The following RIC1 variants were observed in gnomAD, a reference collection of about 807,000 sequenced individuals.
RIC1 encodes RIC1 partner of RAB6A GEF complex.
In RIC1, 88 loss-of-function variants were observed where a neutral mutation model predicts 169.0. The observed-to-expected ratio is 0.52, with a 90% CI of 0.44 to 0.62. RIC1 has a LOEUF of 0.62. RIC1 is among the 20% of genes least tolerant of loss of function. The probability of loss-of-function intolerance (pLI) is 0.00; values close to 1 mark genes in which losing one functional copy is unlikely to be tolerated. For synonymous variants in RIC1, 790 were observed against 601.5 expected (o/e 1.31, Z -4.59); for missense variants, 1,877 against 1,725.5 (o/e 1.09, Z -1.56).
At chr9:5,717,841 T>TA (rs71326184) in intron 4 of RIC1, among the ~76,000 whole-genome samples, 3,419 of 118,472 alleles carry the variant, frequency 0.029, 42 homozygotes, top group Middle Eastern at 0.037. Flanking sequence ...TGTTTAAAAA[T>TA]AAAAAAAAAA....
In RIC1 at chr9:5,773,021, G is replaced by T; in HGVS notation, c.3924G>T (p.Glu1308Asp). 1 of 1,613,700 alleles carries T rather than the reference G, an allele frequency of 6.2e-7. No individual in the cohort carries two copies. The highest frequency in any genetic ancestry group is 8.5e-7 in the Non-Finnish European group (1 of 1,179,784). Residue 1308 changes from glutamate to aspartate, a missense_variant, in exon 25 of 26, where the codon GAG becomes GAT. Transcript: ENST00000414202. ...VITQSSEVDG[E>D]MLQNIKTGLH... Reference sequence around the variant, plus strand: ...CACAGTCTTCAGAGGTAGATGGAGAGATGTTACAGAACATAAAGACAGGGC... The same window carrying T: ...CACAGTCTTCAGAGGTAGATGGAGATATGTTACAGAACATAAAGACAGGGC...
At chr9:5,704,110 T>C (rs891211540) in intron 3 of RIC1, among the ~76,000 whole-genome samples, 4 of 152,150 alleles carry the variant, frequency 2.6e-5, no homozygotes, top group African/African-American at 9.7e-5. Flanking sequence ...GGTTTTGATG[T>C]GTATTTCCCT....
At position 5,646,234 on chromosome 9, in the gene RIC1, G is replaced by A. The variant is rs146112773; in HGVS notation, c.145-10349G>A. Among the ~76,000 whole-genome samples the A allele has an allele frequency of 1.1e-4, 16 of 152,168 alleles. No individual in the cohort carries two copies. The South Asian group carries it at 1.2e-3, about 12-fold the overall frequency. ...GTGTATGCCTTCTTTGAAAGTGTCCGTTGAAGTTCTTTGCCCATTGTTTTT... is the reference window on the plus strand; with the variant it reads ...GTGTATGCCTTCTTTGAAAGTGTCCATTGAAGTTCTTTGCCCATTGTTTTT... On this transcript the variant is annotated intron_variant, in intron 1 of 25. Coordinates refer to ENST00000414202, the MANE Select transcript of RIC1 (RefSeq NM_020829.4).
intron 6 of RIC1, among the ~76,000 whole-genome samples, chr9:5,727,861 A>G (rs1224770831): frequency 6.6e-6 from 1 of 152,162 alleles, no homozygotes; most frequent in African/African-American, 2.4e-5. Flanking sequence ...AACAGCACAT[A>G]TTGCAGAACG....
intron 3 of RIC1, among the ~76,000 whole-genome samples, chr9:5,695,113 G>A (rs934132288): frequency 6.6e-6 from 1 of 152,178 alleles, no homozygotes; most frequent in Non-Finnish European, 1.5e-5. Flanking sequence ...TAAAATAGTG[G>A]TCAGTGTCTT....
chr9:5,637,375 T>A (rs1321821656), intron 1 of RIC1, among the ~76,000 whole-genome samples: 1 of 152,206 alleles, frequency 6.6e-6, no homozygotes, highest in Admixed American at 6.5e-5. Context: ...AGCCATGAGA[T>A]ATTTTGATAC....
chr9:5,721,705 G>A (rs1338014861), intron 6 of RIC1, among the ~76,000 whole-genome samples: 1 of 152,114 alleles, frequency 6.6e-6, no homozygotes, highest in African/African-American at 2.4e-5. Context: ...GTCTCTGTCA[G>A]TATAATTATT....
At chr9:5,771,989 T>C (rs766592125) in intron 23 of RIC1, among the ~76,000 whole-genome samples, 11 of 152,192 alleles carry the variant, frequency 7.2e-5, no homozygotes, top group Non-Finnish European at 1.5e-4. Context: ...CCTATAAAAA[T>C]TTGATAATTC....
chr9:5,728,845 T>A (rs1824175544), intron 6 of RIC1, among the ~76,000 whole-genome samples: 1 of 152,236 alleles, frequency 6.6e-6, no homozygotes, highest in Non-Finnish European at 1.5e-5. Flanking sequence ...AATAGCTAAT[T>A]AATATATGGA....
chr9:5,673,983 T>A (rs1237821146), intron 2 of RIC1, among the ~76,000 whole-genome samples: 1 of 152,152 alleles, frequency 6.6e-6, no homozygotes, highest in East Asian at 1.9e-4. Flanking sequence ...ACCCTCTACT[T>A]AAGAAACTAA....
chr9:5,680,084 A>C (rs988551977), intron 2 of RIC1, among the ~76,000 whole-genome samples: 10 of 152,216 alleles, frequency 6.6e-5, no homozygotes, highest in Admixed American at 5.2e-4. Flanking sequence ...CCTTTTCTGC[A>C]TCTATTGAGA....
At chr9:5,647,170 A>G (rs1421256943) in intron 1 of RIC1, among the ~76,000 whole-genome samples, 1 of 152,162 alleles carries the variant, frequency 6.6e-6, no homozygotes. Flanking sequence ...CTGTTGGTCT[A>G]TATGTGTATC....
At chr9:5,646,323 A>G (rs1012038430) in intron 1 of RIC1, among the ~76,000 whole-genome samples, 5 of 152,070 alleles carry the variant, frequency 3.3e-5, no homozygotes, top group African/African-American at 1.2e-4. Flanking sequence ...TTTATCAGAT[A>G]TGTGGTTTCT....
chr9:5,673,342 C>A (rs66660209), intron 2 of RIC1, among the ~76,000 whole-genome samples: 45,184 of 151,080 alleles, frequency 0.3, 7,828 homozygotes, highest in East Asian at 0.59. Flanking sequence ...AAAATAAGAC[C>A]ATTTTTCACC....
intron 3 of RIC1, among the ~76,000 whole-genome samples, chr9:5,701,071 G>A (rs943514852): frequency 6.6e-6 from 1 of 152,068 alleles, no homozygotes; most frequent in African/African-American, 2.4e-5. Context: ...CTATCACTAT[G>A]ACTTAAGTTG....
intron 2 of RIC1, among the ~76,000 whole-genome samples, chr9:5,670,878 G>T (rs1274931818): frequency 2.6e-5 from 4 of 152,160 alleles, no homozygotes; most frequent in African/African-American, 7.2e-5. Context: ...GGGTGCTGCT[G>T]ATTGGTTAGG....
At position 5,736,109 on chromosome 9, in the gene RIC1, T is replaced by G. The variant is rs572530605; in HGVS notation, c.813-2341T>G. Among the ~76,000 whole-genome samples, 7 of 152,356 alleles carry G rather than the reference T, an allele frequency of 4.6e-5. No homozygotes were observed. In the East Asian group the frequency reaches 1.3e-3, roughly 29 times the overall value. On this transcript the variant is annotated intron_variant, in intron 7 of 25. Coordinates refer to ENST00000414202, the MANE Select transcript of RIC1 (RefSeq NM_020829.4). ...TAACTTAGCACCTACTTCTTATATT[T>G]AAAACATGGACTCCTCACTAACATT...
chr9:5,763,439 G>C lies in RIC1; in HGVS notation c.2412G>C (p.Arg804=). The change falls in exon 19 of 26, where the codon CGG becomes CGC. Residue 804 remains arginine, a synonymous_variant. Coordinates refer to ENST00000414202, the MANE Select transcript of RIC1 (RefSeq NM_020829.4). The surrounding 1 kb of genome is among the most constrained non-coding windows in gnomAD (Gnocchi z 5.2). ...DTLLYDSLYT[R]NNAREQLEVL... ...TGCTCTATGATTCTTTATATACTCG[G>C]AACAATGCTAGAGAACAGCTGGAGG... 6.2e-7 allele frequency: 1 copy of C among 1,614,132 alleles called. No homozygotes were observed. The highest frequency in any genetic ancestry group is 8.5e-7 in the Non-Finnish European group (1 of 1,180,022).
At chr9:5,632,656 T>C (rs937764571) in intron 1 of RIC1, among the ~76,000 whole-genome samples, 1 of 152,112 alleles carries the variant, frequency 6.6e-6, no homozygotes, top group Non-Finnish European at 1.5e-5. Flanking sequence ...CTGGGGGCAG[T>C]TGGTACATTT....
Sources: allele counts gnomAD v4.1 joint callset (sites outside exome capture counted in the v4.1 genomes callset), GRCh38; gene constraint gnomAD v4.1.1; non-coding constraint Gnocchi (gnomAD v3.1); transcripts MANE v1.5; gene names NCBI Gene and HGNC (gene_info 2026-07-23, HGNC 2026-07-21).